The following ELAC2 variants were observed in gnomAD, a reference collection of about 807,000 sequenced individuals.
ELAC2 encodes zinc phosphodiesterase ELAC protein 2.
A neutral mutation model predicts 105.2 loss-of-function variants in ELAC2; 92 were observed. That is an observed-to-expected ratio of 0.87 (90% CI 0.74 to 1.04). The LOEUF is 1.04. Ranked by LOEUF, ELAC2 falls within the 50% of genes least tolerant of loss-of-function variation. The pLI is 0.00. For missense variants in ELAC2, 1,099 were observed against 1,071.7 expected, an observed-to-expected ratio of 1.03 and a Z score of -0.36; for synonymous variants, 468 against 409.1, an observed-to-expected ratio of 1.14 and a Z score of -1.74.
chr17:13,010,336 A>C (rs1027732634), intron 8 of ELAC2, among the ~76,000 whole-genome samples: 1 of 152,044 alleles, frequency 6.6e-6, no homozygotes, highest in Non-Finnish European at 1.5e-5. Flanking sequence ...ACACCCAGCT[A>C]ATTTTTGTAT....
At chr17:13,000,484 G>A in intron 14 of ELAC2, 1 of 612,666 alleles carries the variant, frequency 1.6e-6, no homozygotes, top group Non-Finnish European at 3.0e-6. Flanking sequence ...CAGTCAACGG[G>A]GAACTACTGA....
At chr17:13,008,488 G>A (rs1244286177) in intron 8 of ELAC2, among the ~76,000 whole-genome samples, 1 of 151,944 alleles carries the variant, frequency 6.6e-6, no homozygotes, top group South Asian at 2.1e-4. Flanking sequence ...CTCCAGCCTG[G>A]TGACAGAGCG....
rs1474079267 is a variant in ELAC2 at position 12,992,575 on chromosome 17, C to A, written c.*243G>T. On this transcript the variant is annotated 3_prime_UTR_variant, in exon 24 of 24. Transcript: ENST00000338034. Reference sequence around the variant, plus strand: ...AAACTGCCTTGAAATGAAATTAGTTCATCTGCTTGCTTCCGTGTGGCAGCC... The same window carrying A: ...AAACTGCCTTGAAATGAAATTAGTTAATCTGCTTGCTTCCGTGTGGCAGCC... 1.8e-6 allele frequency: 1 copy of A among 566,346 alleles called. No individual in the cohort carries two copies. The highest frequency in any genetic ancestry group is 3.2e-6 in the Non-Finnish European group (1 of 316,378). The allele number at this position is 566,346 out of a possible 1,614,324, so 35.1% of individuals were successfully genotyped here. A position where few individuals can be genotyped will look rare whatever the true frequency, so the allele number is the denominator to read the frequency against.
chr17:12,996,025 C>T, intron 17 of ELAC2, 47 bp from the exon 18 acceptor site: 5 of 1,562,258 alleles, frequency 3.2e-6, no homozygotes, highest in African/African-American at 1.4e-5. Context: ...CCAGGGCCAT[C>T]CCCTCCGGGT....
chr17:13,006,380 AT>A lies in ELAC2; in HGVS notation c.739-402del, dbSNP rs199641643. On this transcript the variant is annotated intron_variant, in intron 8 of 23. Coordinates refer to ENST00000338034, the MANE Select transcript of ELAC2 (RefSeq NM_018127.7). Reference sequence around the variant, plus strand: ...GCGAAAGTCTGTCTCAAAAAAAAAAATAAAAAATAAAATGATGTTGTTTCCT... The same window carrying A: ...GCGAAAGTCTGTCTCAAAAAAAAAAAAAAAAATAAAATGATGTTGTTTCCT... 7.9e-3 allele frequency: 1,856 copies of A among 234,058 alleles called. 34 individuals are homozygous for A. The highest frequency in any genetic ancestry group is 0.035 in the African/African-American group (1,521 of 43,950). 14.5% of individuals were successfully genotyped at this position (234,058 alleles called of 1,614,324 possible). A position where few individuals can be genotyped will look rare whatever the true frequency, so the allele number is the denominator to read the frequency against.
intron 1 of ELAC2, 35 bp downstream of exon 1, chr17:13,017,668 G>A (rs757677041): frequency 5.0e-6 from 8 of 1,613,122 alleles, no homozygotes; most frequent in South Asian, 1.1e-5. Context: ...CCGCACTGAG[G>A]GCCCAGCGGG....
At chr17:13,015,916 A>G in intron 3 of ELAC2, 84 bp from the exon 4 acceptor site, 1 of 1,004,648 alleles carries the variant, frequency 1.0e-6, no homozygotes, top group South Asian at 1.3e-5. Context: ...TAATCCAACT[A>G]TTTATCTACA....
intron 8 of ELAC2, chr17:13,006,413 T>C: frequency 4.3e-6 from 1 of 230,356 alleles, no homozygotes; most frequent in Non-Finnish European, 8.7e-6. Context: ...TCCTTACAAT[T>C]CATTAAAATG....
intron 16 of ELAC2, among the ~76,000 whole-genome samples, chr17:12,997,625 G>C (rs1171623883): frequency 6.6e-6 from 1 of 152,114 alleles, no homozygotes; most frequent in Non-Finnish European, 1.5e-5. Flanking sequence ...CTCATCCACA[G>C]AGAAACACAC....
At position 13,000,217 on chromosome 17, in the gene ELAC2, G is replaced by A; in HGVS notation, c.1362C>T (p.Pro454=). 1 of 1,614,132 alleles carries A rather than the reference G, an allele frequency of 6.2e-7. No homozygotes were observed. Among genetic ancestry groups the A allele is most frequent in the Non-Finnish European group, 8.5e-7 (1 of 1,180,032 alleles). Residue 454 remains proline (P), a synonymous_variant, in exon 15 of 24, where the codon CCC becomes CCT. Transcript: ENST00000338034. ...ACTCCTGCACGCTCTGCTGGAAGTT[G>A]GGAAGCTGCAGCGCCTCAACTATGA... ...EEFIVEALQL[P]NFQQSVQEYR...
In ELAC2 at chr17:13,018,021, T is replaced by G. The variant is rs2041851646; in HGVS notation, c.-74A>C. On this transcript the variant is annotated 5_prime_UTR_variant, in exon 1 of 24. Transcript: ENST00000338034. ...CGTTTCCCGTGCACCACCTAGCCGC[T>G]CCGCATGGCGGATCCAGCCAATCAG... is the stretch of plus-strand genomic sequence containing the variant. The G allele has an allele frequency of 5.9e-6, 9 of 1,530,520 alleles. No homozygotes were observed. The South Asian group carries it at 9.6e-5, about 16-fold the overall frequency. 94.8% of individuals were successfully genotyped at this position (1,530,520 alleles called of 1,614,324 possible).
rs764509473 is a variant in ELAC2, at chr17:13,017,939, C to T, written c.9G>A (p.Ala3=). The change falls in exon 1 of 24, where the codon GCG becomes GCA. Residue 3 remains alanine, a synonymous_variant. Coordinates refer to ENST00000338034, the MANE Select transcript of ELAC2 (RefSeq NM_018127.7). MW[A]LCSLLRSAAG... ...CCGCGGACCGCAGCAGCGAGCAAAG[C>T]GCCCACATGCGCCCGTCTCCACCAA... is the stretch of plus-strand genomic sequence containing the variant. 1 of 1,537,020 alleles carries T rather than the reference C, an allele frequency of 6.5e-7. No homozygotes were observed.
intron 14 of ELAC2, among the ~76,000 whole-genome samples, chr17:13,001,448 C>G (rs926221264): frequency 6.6e-6 from 1 of 152,004 alleles, no homozygotes; most frequent in Non-Finnish European, 1.5e-5. Flanking sequence ...GCTGAGATCA[C>G]GCCATTGCAC....
chr17:12,992,929 C>T lies in ELAC2; in HGVS notation c.2370G>A (p.Val790=), dbSNP rs143840985. Residue 790 remains valine, a synonymous_variant, in exon 24 of 24, where the codon GTG becomes GTA. Transcript: ENST00000338034. ...GCTCCCTGGACAGGAGGGCCGCCCG[C>T]ACCTGCCGCAGCTCCCGCTTCTCCC... ...ERREKRELRQ[V]RAALLSRELA... is the part of the protein sequence containing the mutation. 1.4e-5 allele frequency: 23 copies of T among 1,611,322 alleles called. No individual in the cohort carries two copies. Among genetic ancestry groups the T allele is most frequent in the Non-Finnish European group, 1.8e-5 (21 of 1,180,038 alleles).
chr17:12,992,507 A>C lies in ELAC2; in HGVS notation c.*311T>G. The C allele has an allele frequency of 4.3e-6, 2 of 464,830 alleles. No homozygotes were observed. Among genetic ancestry groups the C allele is most frequent in the South Asian group, 2.4e-5 (1 of 41,154 alleles). 28.8% of individuals were successfully genotyped at this position (464,830 alleles called of 1,614,324 possible). A position where few individuals can be genotyped will look rare whatever the true frequency, so the allele number is the denominator to read the frequency against. On this transcript the variant is annotated 3_prime_UTR_variant, in exon 24 of 24. Coordinates refer to ENST00000338034, the MANE Select transcript of ELAC2 (RefSeq NM_018127.7). The stretch of plus-strand genomic sequence containing the variant: ...GGTGTGCAGGGAATCACTTTGCTGG[A>C]TTAGAGGAAAGGTGCCGCCGTCTGT...
At chr17:12,995,447 G>A (rs947312543) in intron 19 of ELAC2, among the ~76,000 whole-genome samples, 4 of 152,212 alleles carry the variant, frequency 2.6e-5, no homozygotes, top group African/African-American at 7.2e-5. Flanking sequence ...AAAGCTGCTC[G>A]AAGTTTAGAA....
intron 22 of ELAC2, 137 bp from the exon 23 acceptor site, chr17:12,993,968 G>A: frequency 8.1e-7 from 1 of 1,227,072 alleles, no homozygotes; most frequent in Middle Eastern, 2.3e-4. Context: ...CACCTCCGTA[G>A]CCAGCACAAT....
rs759800458 is a variant in ELAC2 at position 13,005,781 on chromosome 17, C to T, written c.842G>A (p.Gly281Glu). Residue 281 changes from glycine to glutamate, a missense_variant, in exon 10 of 24, where the codon GGG becomes GAG. Physicochemically the swap from Gly to Glu is moderately conservative, Grantham distance 98. Coordinates refer to ENST00000338034, the MANE Select transcript of ELAC2 (RefSeq NM_018127.7). Reference protein sequence around the residue: ...IAPIIAAVKDGKSITHEGREI... With the variant: ...IAPIIAAVKDEKSITHEGREI... ...TCTTCCTTCATGAGTGATGCTTTTC[C>T]CGTCCTTGACAGCAGCAATGATGGG... The T allele has an allele frequency of 6.2e-7, 1 of 1,614,154 alleles. No homozygotes were observed. The highest frequency in any genetic ancestry group is 8.5e-7 in the Non-Finnish European group (1 of 1,180,038).
In ELAC2 at chr17:13,003,570, G is replaced by C. The variant is rs368003702; in HGVS notation, c.988C>G (p.Gln330Glu). 6.8e-6 allele frequency: 11 copies of C among 1,614,034 alleles called. No individual in the cohort carries two copies. In the African/African-American group the frequency reaches 1.3e-4, roughly 20 times the overall value. Reference sequence around the variant, plus strand: ...GCCACGGGGGCATCTGCCTTTCCTTGGTACCTGGGCAGAAGAGTGGGGCTT... The same window carrying C: ...GCCACGGGGGCATCTGCCTTTCCTTCGTACCTGGGCAGAAGAGTGGGGCTT... ...ICENATFQRY[Q>E]GKADAPVALV... is the part of the protein sequence containing the mutation. Residue 330 changes from glutamine to glutamate, a missense_variant, in exon 12 of 24, where the codon CAA (glutamine) becomes GAA (glutamate). By Grantham distance (29) the Gln-to-Glu change is conservative. Coordinates refer to ENST00000338034, the MANE Select transcript of ELAC2 (RefSeq NM_018127.7).
Sources: gnomAD v4.1 joint callset for allele counts (sites outside exome capture counted in the v4.1 genomes callset) on GRCh38, gnomAD v4.1.1 for gene constraint, MANE v1.5 for transcripts, NCBI Gene and HGNC (gene_info 2026-07-23, HGNC 2026-07-21) for gene names.